Variants in CSNK1A1 observed in about 807,000 individuals in gnomAD.
CSNK1A1 encodes casein kinase 1 alpha 1.
Under a neutral mutation model 46.1 loss-of-function variants are expected in CSNK1A1, and 7 were observed. That is an observed-to-expected ratio of 0.15 (90% CI 0.09 to 0.29). CSNK1A1 has a LOEUF of 0.29. Among genes scored for constraint, CSNK1A1 ranks in the 10% least tolerant of loss-of-function variants. The pLI is 1.00. For missense variants in CSNK1A1, 96 were observed against 417.1 expected (o/e 0.23, Z 6.71); for synonymous variants, 137 against 141.5 (o/e 0.97, Z 0.23).
chr5:149,512,348 T>G (rs1175200240), intron 5 of CSNK1A1, among the ~76,000 whole-genome samples: 1 of 152,110 alleles, frequency 6.6e-6, no homozygotes, highest in Non-Finnish European at 1.5e-5. Flanking sequence ...GGTAATGCCT[T>G]GGCGTACAGA....
At chr5:149,510,164 T>G (rs1234427059) in intron 6 of CSNK1A1, among the ~76,000 whole-genome samples, 3 of 152,252 alleles carry the variant, frequency 2.0e-5, no homozygotes, top group Non-Finnish European at 2.9e-5. Context: ...AATTTAATTT[T>G]AGCTATAGGG....
rs1266096651 is a variant in CSNK1A1, at chr5:149,503,686, A to G, written c.1006+1761T>C. On this transcript the variant is annotated intron_variant, in intron 9 of 9. Coordinates refer to ENST00000377843, the MANE Select transcript of CSNK1A1 (RefSeq NM_001892.6). Reference sequence around the variant, plus strand: ...CAATGAAACTAACTCAGTGGATCCAACTTCTCATCTTTAAGACATGGATAG... The same window carrying G: ...CAATGAAACTAACTCAGTGGATCCAGCTTCTCATCTTTAAGACATGGATAG... The G allele has an allele frequency of 4.1e-6, 4 of 985,320 alleles. No homozygotes were observed. In the African/African-American group the frequency reaches 5.2e-5, roughly 13 times the overall value. 61.0% of individuals were successfully genotyped at this position (985,320 alleles called of 1,614,324 possible). A position where few individuals can be genotyped will look rare whatever the true frequency, so the allele number is the denominator to read the frequency against.
chr5:149,503,173 T>G, intron 9 of CSNK1A1: 1 of 985,438 alleles, frequency 1.0e-6, no homozygotes, highest in Non-Finnish European at 1.2e-6. Context: ...GAGCAATTGT[T>G]TTCAAACTCC....
Position 149,550,366 on chromosome 5 carries a change from T to G in CSNK1A1, c.124-185A>C. ...CCTCAAAGGCCTCTTCAGGGGGTAG[T>G]GACGAAATCCGTACGTCCTCTAAAG... On this transcript the variant is annotated intron_variant, in intron 1 of 9. Transcript: ENST00000377843. The surrounding 1 kb of genome is among the most constrained non-coding windows in gnomAD (Gnocchi z 4.3). 27 of 1,398,718 alleles carry G rather than the reference T, an allele frequency of 1.9e-5. No individual in the cohort carries two copies. The highest frequency in any genetic ancestry group is 2.4e-5 in the Non-Finnish European group (26 of 1,079,652). The allele number at this position is 1,398,718 out of a possible 1,614,324, so 86.6% of individuals were successfully genotyped here.
intron 2 of CSNK1A1, among the ~76,000 whole-genome samples, chr5:149,539,117 A>T (rs1242994956): frequency 1.3e-5 from 2 of 152,192 alleles, no homozygotes; most frequent in African/African-American, 4.8e-5. Flanking sequence ...ATGGTTTCAT[A>T]CATCGATTTT....
chr5:149,531,479 T>C (rs1173359562), intron 2 of CSNK1A1, among the ~76,000 whole-genome samples: 2 of 151,170 alleles, frequency 1.3e-5, no homozygotes, highest in African/African-American at 2.4e-5. Flanking sequence ...GATCACGCTA[T>C]TGCACTCCTG....
At chr5:149,503,946 T>C (rs1580820122) in intron 9 of CSNK1A1, 2 of 985,276 alleles carry the variant, frequency 2.0e-6, no homozygotes, top group East Asian at 1.1e-4. Flanking sequence ...AAAAAGCAAA[T>C]ATACTATAGG....
chr5:149,503,796 T>C, intron 9 of CSNK1A1: 5 of 985,424 alleles, frequency 5.1e-6, no homozygotes, highest in Non-Finnish European at 6.0e-6. Flanking sequence ...AGGTAATTCT[T>C]TCTGAAATCT....
At chr5:149,522,588 CAG>C (rs1761605546) in intron 3 of CSNK1A1, among the ~76,000 whole-genome samples, 1 of 152,168 alleles carries the variant, frequency 6.6e-6, no homozygotes, top group Non-Finnish European at 1.5e-5. Flanking sequence ...CATGAATACA[CAG>C]ATTCTAAATT....
chr5:149,498,796 A>C (rs1217340561), intron 9 of CSNK1A1: 4 of 985,316 alleles, frequency 4.1e-6, no homozygotes, highest in Middle Eastern at 5.2e-4. Flanking sequence ...AACCACCATC[A>C]CTAACAAACT....
intron 4 of CSNK1A1, among the ~76,000 whole-genome samples, chr5:149,514,077 C>CA (rs796817523): frequency 7.2e-5 from 11 of 152,200 alleles, no homozygotes; most frequent in African/African-American, 1.4e-4. Flanking sequence ...ACAAATGGGT[C>CA]AGGTTAAACT....
At position 149,517,782 on chromosome 5, in the gene CSNK1A1, A is replaced by G. The variant is rs1167284881; in HGVS notation, c.456+2508T>C. ...TTTGGGATTGAGGTTGGAATAGGAGACAGTTTCAGACCTGGTTTAATCCTG... is the reference window on the plus strand; with the variant it reads ...TTTGGGATTGAGGTTGGAATAGGAGGCAGTTTCAGACCTGGTTTAATCCTG... On this transcript the variant is annotated intron_variant, in intron 4 of 9. Coordinates refer to ENST00000377843, the MANE Select transcript of CSNK1A1 (RefSeq NM_001892.6). This position sits in a 1 kb window ranked among gnomAD's most constrained non-coding sequence, Gnocchi z 4.4. 6.5e-7 allele frequency: 1 copy of G among 1,549,894 alleles called. No homozygotes were observed. Among genetic ancestry groups the G allele is most frequent in the South Asian group, 1.1e-5 (1 of 87,068 alleles).
At chr5:149,498,240 G>A (rs1173907632) in intron 9 of CSNK1A1, 1 of 983,722 alleles carries the variant, frequency 1.0e-6, no homozygotes, top group East Asian at 1.1e-4. Context: ...TTTTTTTTTG[G>A]GAAATAATAG....
At chr5:149,508,955 T>C (rs1026360644) in intron 7 of CSNK1A1, among the ~76,000 whole-genome samples, 7 of 152,152 alleles carry the variant, frequency 4.6e-5, no homozygotes, top group African/African-American at 1.4e-4. Context: ...TGAGACAGGG[T>C]CTCACTCTGT....
At chr5:149,544,869 T>A (rs1040621225) in intron 2 of CSNK1A1, among the ~76,000 whole-genome samples, 2 of 150,272 alleles carry the variant, frequency 1.3e-5, no homozygotes, top group African/African-American at 4.9e-5. Context: ...GGTGCAGTGG[T>A]CCATGCCTGT....
At chr5:149,515,023 T>C (rs538497663) in intron 4 of CSNK1A1, among the ~76,000 whole-genome samples, 1 of 152,298 alleles carries the variant, frequency 6.6e-6, no homozygotes, top group East Asian at 1.9e-4. Context: ...TACACAAATA[T>C]TAAAATGAGC....
intron 4 of CSNK1A1, among the ~76,000 whole-genome samples, chr5:149,520,015 T>C (rs1761519912): frequency 6.6e-6 from 1 of 152,218 alleles, no homozygotes; most frequent in South Asian, 2.1e-4. Flanking sequence ...GTTCAACAGT[T>C]AAATAACTTA....
intron 6 of CSNK1A1, among the ~76,000 whole-genome samples, chr5:149,511,350 G>C (rs537304504): frequency 7.4e-6 from 1 of 135,692 alleles, no homozygotes; most frequent in East Asian, 2.2e-4. Flanking sequence ...ATTAGGATAC[G>C]GTGATTTATC....
intron 9 of CSNK1A1, chr5:149,498,959 T>C (rs1580814484): frequency 2.0e-6 from 2 of 985,366 alleles, no homozygotes; most frequent in Non-Finnish European, 2.4e-6. Context: ...TAGAAACTGG[T>C]AAAAGGCTAC....
Sources: allele counts gnomAD v4.1 joint callset (sites outside exome capture counted in the v4.1 genomes callset), GRCh38; gene constraint gnomAD v4.1.1; non-coding constraint Gnocchi (gnomAD v3.1); transcripts MANE v1.5; gene names NCBI Gene and HGNC (gene_info 2026-07-23, HGNC 2026-07-21).